The following HSD17B12 variants were observed in gnomAD, a reference collection of about 807,000 sequenced individuals.
HSD17B12 encodes the protein very-long-chain 3-oxoacyl-CoA reductase.
In HSD17B12, 32 loss-of-function variants were observed where a neutral mutation model predicts 39.3. That is an observed-to-expected ratio of 0.81 (90% CI 0.61 to 1.09). The LOEUF (loss-of-function observed/expected upper bound fraction) is 1.09. Among genes scored for constraint, HSD17B12 ranks in the 50% least tolerant of loss-of-function variants. The pLI, the probability that HSD17B12 is intolerant of heterozygous loss-of-function variation, is 0.00. For missense variants in HSD17B12, 342 were observed against 382.9 expected, an observed-to-expected ratio of 0.89 and a Z score of 0.89; for synonymous variants, 150 against 146.7, an observed-to-expected ratio of 1.02 and a Z score of -0.16.
the HSD17B12 span, among the ~76,000 whole-genome samples, chr11:43,612,472 A>G: frequency 6.6e-6 from 1 of 152,242 alleles, no homozygotes; most frequent in South Asian, 2.1e-4. Flanking sequence ...CAAGATATAT[A>G]TAGTCTGTCA....
the HSD17B12 span, chr11:43,644,803 T>TTGCATGTGGTGAACTTTCCCC: frequency 6.6e-6 from 1 of 152,470 alleles, no homozygotes; most frequent in Non-Finnish European, 1.5e-5. Context: ...TGGCTTTCCC[T>TTGCATGTGGTGAACTTTCCCC]TGCATGTGGT....
At chr11:43,778,408 A>C (rs1950731797) in intron 3 of HSD17B12, among the ~76,000 whole-genome samples, 1 of 152,338 alleles carries the variant, frequency 6.6e-6, no homozygotes, top group Admixed American at 6.5e-5. Flanking sequence ...CCAGAGGTAT[A>C]AGGAGGAACT....
At chr11:43,616,702 G>T in the HSD17B12 span, among the ~76,000 whole-genome samples, 57,098 of 148,712 alleles carry the variant, frequency 0.38, 12,196 homozygotes, top group East Asian at 0.74. Flanking sequence ...CAGGTGATCT[G>T]CATCCAAAAA....
chr11:43,713,563 A>G (rs1950090780), intron 1 of HSD17B12, among the ~76,000 whole-genome samples: 3 of 152,134 alleles, frequency 2.0e-5, no homozygotes, highest in South Asian at 2.1e-4. Context: ...AGTCTTTGCT[A>G]TTGTGAATAG....
chr11:43,836,749 A>G (rs190497704), intron 7 of HSD17B12, among the ~76,000 whole-genome samples: 1 of 152,292 alleles, frequency 6.6e-6, no homozygotes, highest in East Asian at 1.9e-4. Context: ...TCAGAAATAT[A>G]GATAAAATGA....
At chr11:43,683,436 G>T (rs1949770602) in intron 1 of HSD17B12, among the ~76,000 whole-genome samples, 2 of 151,846 alleles carry the variant, frequency 1.3e-5, no homozygotes, top group African/African-American at 2.4e-5. Context: ...GATCTTAAAA[G>T]AAAATACTCC....
the HSD17B12 span, among the ~76,000 whole-genome samples, chr11:43,632,464 G>A: frequency 6.6e-6 from 1 of 152,124 alleles, no homozygotes. Context: ...TCATTGGAAG[G>A]GTGTGGATTT....
chr11:43,635,960 C>T, the HSD17B12 span, among the ~76,000 whole-genome samples: 1 of 152,094 alleles, frequency 6.6e-6, no homozygotes, highest in Admixed American at 6.6e-5. Flanking sequence ...TAGGGAAGGG[C>T]TTGTTTCTAT....
At chr11:43,705,266 C>T (rs533682573) in intron 1 of HSD17B12, among the ~76,000 whole-genome samples, 2 of 152,236 alleles carry the variant, frequency 1.3e-5, no homozygotes, top group East Asian at 1.9e-4. Context: ...TTTTAGTGCC[C>T]AGGTTTATAC....
rs1371880074 is a variant in HSD17B12, at chr11:43,687,986, C to T, written c.160+6999C>T. Among the ~76,000 whole-genome samples the T allele has an allele frequency of 2.6e-5, 4 of 152,212 alleles. No individual in the cohort carries two copies. In the East Asian group the frequency reaches 7.7e-4, roughly 29 times the overall value. On this transcript the variant is annotated intron_variant, in intron 1 of 10. Transcript: ENST00000278353. ...CAACACTTTGGGAGGCTGAAGTGGG[C>T]GGATCACTTGAGGCCAGGAGTTTCA...
At chr11:43,798,285 C>T in intron 3 of HSD17B12, 35 bp from the exon 4 acceptor site, 2 of 1,290,330 alleles carry the variant, frequency 1.5e-6, no homozygotes, top group South Asian at 1.2e-5. Flanking sequence ...CTAATTTTCC[C>T]TGTCTCTCCC....
chr11:43,793,850 TTATTC>T (rs1273587962), intron 3 of HSD17B12, among the ~76,000 whole-genome samples: 2 of 152,262 alleles, frequency 1.3e-5, no homozygotes, highest in Non-Finnish European at 2.9e-5. Context: ...AGGATATTCA[TTATTC>T]TATAGCACTA....
At chr11:43,629,744 G>A in the HSD17B12 span, among the ~76,000 whole-genome samples, 27 of 152,278 alleles carry the variant, frequency 1.8e-4, no homozygotes, top group East Asian at 3.3e-3. Context: ...CACCGGGTTG[G>A]ACTTCCAGCC....
chr11:43,645,675 T>C, the HSD17B12 span: 1 of 152,128 alleles, frequency 6.6e-6, no homozygotes, highest in African/African-American at 2.4e-5. Flanking sequence ...ATTGTCTGGG[T>C]TTGCTTAGAA....
the HSD17B12 span, among the ~76,000 whole-genome samples, chr11:43,588,301 G>A: frequency 4.2e-4 from 64 of 152,356 alleles, no homozygotes; most frequent in Middle Eastern, 0.01. Flanking sequence ...TGGAAGTGAA[G>A]TGATCCATCT....
At chr11:43,780,293 G>T (rs1950751906) in intron 3 of HSD17B12, among the ~76,000 whole-genome samples, 1 of 152,106 alleles carries the variant, frequency 6.6e-6, no homozygotes, top group Admixed American at 6.6e-5. Flanking sequence ...AGCCTCCCAA[G>T]TAGCTGGGAT....
intron 4 of HSD17B12, among the ~76,000 whole-genome samples, chr11:43,810,825 G>GA (rs1224484349): frequency 6.6e-6 from 1 of 151,904 alleles, no homozygotes; most frequent in Non-Finnish European, 1.5e-5. Flanking sequence ...GTTTTTCACT[G>GA]AAAAAAATGT....
At chr11:43,743,728 CA>C (rs1950388729) in intron 1 of HSD17B12, among the ~76,000 whole-genome samples, 1 of 152,154 alleles carries the variant, frequency 6.6e-6, no homozygotes, top group African/African-American at 2.4e-5. Context: ...TCCCCAATGA[CA>C]AAGCTGATTG....
At chr11:43,795,045 G>A (rs545769164) in intron 3 of HSD17B12, among the ~76,000 whole-genome samples, 1 of 152,220 alleles carries the variant, frequency 6.6e-6, no homozygotes, top group South Asian at 2.1e-4. Flanking sequence ...GGTTGGGGAG[G>A]TGTGAAGATG....
Sources: gnomAD v4.1 joint callset for allele counts (sites outside exome capture counted in the v4.1 genomes callset) on GRCh38, gnomAD v4.1.1 for gene constraint, MANE v1.5 for transcripts, NCBI Gene and HGNC (gene_info 2026-07-23, HGNC 2026-07-21) for gene names.